Variants in PEMT observed in about 807,000 individuals in gnomAD.
PEMT encodes phosphatidylethanolamine N-methyltransferase, also known as phospholipid methyltransferase.
A neutral mutation model predicts 27.4 loss-of-function variants in PEMT; 23 were observed. That is an observed-to-expected ratio of 0.84 (90% CI 0.60 to 1.19). The LOEUF is 1.19. Among genes scored for constraint, PEMT ranks in the 50% most tolerant of loss-of-function variants. PEMT has a pLI of 0.00. For missense variants in PEMT, 307 were observed against 310.1 expected, an observed-to-expected ratio of 0.99 and a Z score of 0.07; for synonymous variants, 137 against 139.1, an observed-to-expected ratio of 0.98 and a Z score of 0.11.
At chr17:17,521,245 A>G (rs907256934) in intron 3 of PEMT, among the ~76,000 whole-genome samples, 4 of 152,112 alleles carry the variant, frequency 2.6e-5, no homozygotes, top group African/African-American at 9.7e-5. Context: ...CTAGTTTCTC[A>G]TTTTTTGGAG....
intron 3 of PEMT, among the ~76,000 whole-genome samples, chr17:17,517,652 G>A (rs760855765): frequency 1.3e-5 from 2 of 152,216 alleles, no homozygotes; most frequent in East Asian, 1.9e-4. Flanking sequence ...GGGAGTTTTT[G>A]AAAACAGACT....
intron 4 of PEMT, among the ~76,000 whole-genome samples, chr17:17,511,399 AC>A (rs1179094755): frequency 6.6e-6 from 1 of 152,132 alleles, no homozygotes; most frequent in Non-Finnish European, 1.5e-5. Context: ...AGAATGCTGC[AC>A]CCACAGATGC....
chr17:17,512,500 G>A lies in PEMT; in HGVS notation c.466+9C>T, dbSNP rs1460406849. On this transcript the variant is annotated intron_variant, in intron 4 of 6. Transcript: ENST00000255389. The surrounding 1 kb of genome is among the most constrained non-coding windows in gnomAD (Gnocchi z 6.3). ...CTGCTCAGGGTCACCCCAGCCCTCAGGGTCTTACCTAGGAAAGTTCCAGCG... is the reference window on the plus strand; with the variant it reads ...CTGCTCAGGGTCACCCCAGCCCTCAAGGTCTTACCTAGGAAAGTTCCAGCG... The A allele has an allele frequency of 6.3e-7, 1 of 1,582,454 alleles. No homozygotes were observed. Among genetic ancestry groups the A allele is most frequent in the Non-Finnish European group, 8.6e-7 (1 of 1,162,518 alleles).
chr17:17,556,412 C>T (rs1368024645), intron 2 of PEMT, among the ~76,000 whole-genome samples: 2 of 151,618 alleles, frequency 1.3e-5, no homozygotes, highest in Non-Finnish European at 1.5e-5. Context: ...CTCGCTCTGT[C>T]GCCCAAGCCA....
chr17:17,569,688 G>C (rs1054606076), intron 2 of PEMT, among the ~76,000 whole-genome samples: 2 of 152,208 alleles, frequency 1.3e-5, no homozygotes, highest in African/African-American at 2.4e-5. Context: ...TTGGAAGTAG[G>C]GTTCCAACTT....
At chr17:17,557,067 G>A (rs1910104356) in intron 2 of PEMT, among the ~76,000 whole-genome samples, 1 of 152,310 alleles carries the variant, frequency 6.6e-6, no homozygotes, top group East Asian at 1.9e-4. Context: ...TGCTGCCAGA[G>A]GATTCAGTCC....
At chr17:17,586,286 A>AAGAG (rs1301840003) in intron 1 of PEMT, among the ~76,000 whole-genome samples, 3 of 84,890 alleles carry the variant, frequency 3.5e-5, no homozygotes, top group Non-Finnish European at 7.0e-5. Flanking sequence ...GAAAGAAAGA[A>AAGAG]AGAAAAAAAA....
chr17:17,527,226 G>A (rs1204676864), intron 2 of PEMT, among the ~76,000 whole-genome samples: 4 of 152,106 alleles, frequency 2.6e-5, no homozygotes, highest in African/African-American at 9.7e-5. Context: ...TAGTAGAGAC[G>A]GGATTTCTCC....
At chr17:17,517,698 G>A (rs1906943713) in intron 3 of PEMT, among the ~76,000 whole-genome samples, 1 of 152,240 alleles carries the variant, frequency 6.6e-6, no homozygotes, top group Non-Finnish European at 1.5e-5. Context: ...TGAGTCTGGT[G>A]TCCCACAGGG....
chr17:17,548,214 C>G (rs928379889), intron 2 of PEMT, among the ~76,000 whole-genome samples: 4 of 152,256 alleles, frequency 2.6e-5, no homozygotes, highest in African/African-American at 4.8e-5. Flanking sequence ...AAGCTGCACA[C>G]AGCCCTGCTG....
At chr17:17,572,908 G>A (rs1911307083) in intron 2 of PEMT, among the ~76,000 whole-genome samples, 1 of 152,258 alleles carries the variant, frequency 6.6e-6, no homozygotes, top group South Asian at 2.1e-4. Flanking sequence ...ATATTCAAGA[G>A]CCAGGCGTGG....
intron 1 of PEMT, among the ~76,000 whole-genome samples, chr17:17,589,775 CT>C (rs1342207603): frequency 5.9e-5 from 9 of 152,332 alleles, no homozygotes; most frequent in Admixed American, 2.6e-4. Context: ...TTCTTTCTTT[CT>C]TTCTTTAAGA....
At chr17:17,519,832 G>A (rs925936023) in intron 3 of PEMT, among the ~76,000 whole-genome samples, 8 of 152,210 alleles carry the variant, frequency 5.3e-5, no homozygotes, top group Admixed American at 1.3e-4. Context: ...AGCAGCTCCC[G>A]GGGCAGGGCT....
At chr17:17,522,009 G>C (rs1312597120) in intron 3 of PEMT, among the ~76,000 whole-genome samples, 1 of 152,212 alleles carries the variant, frequency 6.6e-6, no homozygotes, top group Non-Finnish European at 1.5e-5. Context: ...CTACGTGGCA[G>C]AGGCTGGGAT....
chr17:17,552,986 C>A (rs1428110273), intron 2 of PEMT, among the ~76,000 whole-genome samples: 3 of 152,190 alleles, frequency 2.0e-5, no homozygotes, highest in Admixed American at 6.5e-5. Context: ...CTGTAGAGTC[C>A]CAACCCCTCA....
At chr17:17,508,701 CGCAGGT>C (rs1567659522) in intron 5 of PEMT, 1 of 445,796 alleles carries the variant, frequency 2.2e-6, no homozygotes, top group Non-Finnish European at 4.6e-6. Context: ...CATCCTTGAC[CGCAGGT>C]CCTCTGACCC....
chr17:17,567,487 C>T (rs1344679589), intron 2 of PEMT, among the ~76,000 whole-genome samples: 4 of 152,274 alleles, frequency 2.6e-5, no homozygotes, highest in African/African-American at 4.8e-5. Flanking sequence ...TAAAAGCCCA[C>T]GTCCACTGCC....
At chr17:17,537,541 T>TCAGGCGA (rs1206604974) in intron 2 of PEMT, among the ~76,000 whole-genome samples, 3 of 152,208 alleles carry the variant, frequency 2.0e-5, no homozygotes, top group Admixed American at 6.5e-5. Context: ...GGCCCAGGCC[T>TCAGGCGA]CAGGCGAGAT....
At chr17:17,567,117 C>G (rs1465610790) in intron 2 of PEMT, among the ~76,000 whole-genome samples, 1 of 152,246 alleles carries the variant, frequency 6.6e-6, no homozygotes, top group East Asian at 1.9e-4. Context: ...CCAGCCATCT[C>G]TGGAGTATGA....
Sources: gnomAD v4.1 joint callset for allele counts (sites outside exome capture counted in the v4.1 genomes callset) on GRCh38, gnomAD v4.1.1 for gene constraint, Gnocchi (gnomAD v3.1) non-coding constraint, MANE v1.5 for transcripts, NCBI Gene and HGNC (gene_info 2026-07-23, HGNC 2026-07-21) for gene names.